The following TPO variants were observed in gnomAD, a reference collection of about 807,000 sequenced individuals.
The protein encoded by TPO is thyroid peroxidase, also known as thyroid microsomal antigen.
A neutral mutation model predicts 96.9 loss-of-function variants in TPO; 78 were observed. The ratio of observed to expected loss-of-function variants is 0.81; its 90% confidence interval spans 0.67 to 0.97. TPO has a LOEUF of 0.97. Among genes scored for constraint, TPO ranks in the 50% least tolerant of loss-of-function variants. The pLI, the probability that TPO is intolerant of heterozygous loss-of-function variation, is 0.00. For synonymous variants in TPO, 547 were observed against 538.0 expected, an observed-to-expected ratio of 1.02 and a Z score of -0.23; for missense variants, 1,252 against 1,274.8, an observed-to-expected ratio of 0.98 and a Z score of 0.27.
intron 11 of TPO, 39 bp downstream of exon 11, chr2:1,494,078 A>C: frequency 1.2e-6 from 2 of 1,601,130 alleles, no homozygotes; most frequent in Non-Finnish European, 1.7e-6. Context: ...CACGTTCTGC[A>C]CAGAGGCAGG....
rs28913008 is a variant in TPO, at chr2:1,516,413, G to C, written c.2519-470G>C. ...TCAACCACGGTTTCACCTCCAGGAG[G>C]CTTCTGGGAAAGATAAAATGCAGCC... On this transcript the variant is annotated intron_variant, in intron 14 of 16. Transcript: ENST00000329066. Among the ~76,000 whole-genome samples the C allele has an allele frequency of 8.1e-3, 1,233 of 152,284 alleles. 15 individuals are homozygous for C. Among genetic ancestry groups the C allele is most frequent in the African/African-American group, 0.028 (1,163 of 41,554 alleles).
intron 15 of TPO, among the ~76,000 whole-genome samples, chr2:1,526,157 C>T (rs1394524552): frequency 7.9e-5 from 9 of 114,210 alleles, no homozygotes; most frequent in African/African-American, 2.8e-4. Context: ...TGCAAACCTC[C>T]AAATCCCCCC....
intron 7 of TPO, among the ~76,000 whole-genome samples, chr2:1,468,062 T>G (rs1258931051): frequency 2.0e-5 from 3 of 151,892 alleles, no homozygotes; most frequent in African/African-American, 7.3e-5. Context: ...CCCCTTTACC[T>G]TAAGTTTATG....
At chr2:1,453,882 G>C in intron 6 of TPO, 59 bp downstream of exon 6, 1 of 1,611,744 alleles carries the variant, frequency 6.2e-7, no homozygotes, top group Admixed American at 1.7e-5. Context: ...TGCTGAGGGA[G>C]GGAAATAGCC....
At chr2:1,501,062 AG>A (rs1672827447) in intron 13 of TPO, among the ~76,000 whole-genome samples, 7 of 152,108 alleles carry the variant, frequency 4.6e-5, no homozygotes, top group South Asian at 2.1e-4. Flanking sequence ...AAAAGCTGTG[AG>A]TCAGTGGCTT....
intron 1 of TPO, among the ~76,000 whole-genome samples, chr2:1,402,824 A>T (rs1295745037): frequency 6.6e-6 from 1 of 152,134 alleles, no homozygotes; most frequent in Non-Finnish European, 1.5e-5. Flanking sequence ...GATGAGATTG[A>T]GGGGGGACAC....
intron 1 of TPO, among the ~76,000 whole-genome samples, chr2:1,389,502 C>T (rs140132085): frequency 2.6e-5 from 4 of 152,218 alleles, no homozygotes; most frequent in Admixed American, 2.6e-4. Context: ...AAAAATAACA[C>T]TACTTTCCTC....
At chr2:1,384,853 A>G (rs965389571) in intron 1 of TPO, among the ~76,000 whole-genome samples, 1 of 152,190 alleles carries the variant, frequency 6.6e-6, no homozygotes, top group Non-Finnish European at 1.5e-5. Context: ...TGGGTTTGTC[A>G]TAAATAGCTG....
At position 1,543,627 on chromosome 2, in the gene TPO, T is replaced by C. The variant is rs1680946661; in HGVS notation, c.*1153T>C. 6.6e-6 allele frequency: 1 copy of C among 152,204 alleles called. No homozygotes were observed. Among genetic ancestry groups the C allele is most frequent in the Non-Finnish European group, 1.5e-5 (1 of 68,018 alleles). 9.4% of individuals were successfully genotyped at this position (152,204 alleles called of 1,614,324 possible). A position where few individuals can be genotyped will look rare whatever the true frequency, so the allele number is the denominator to read the frequency against. On this transcript the variant is annotated 3_prime_UTR_variant, in exon 17 of 17. Transcript: ENST00000329066. ...TGTGTTCCCAAACTCTTAGTTTTGT[T>C]CATGTAAAACTCATGATTTCATAAT...
intron 15 of TPO, among the ~76,000 whole-genome samples, chr2:1,527,125 C>T (rs1676746793): frequency 7.3e-6 from 1 of 136,706 alleles, no homozygotes; most frequent in Non-Finnish European, 1.5e-5. Flanking sequence ...CAAATACCCC[C>T]ACTGTGTGCA....
At chr2:1,445,999 C>G (rs1020313040) in intron 5 of TPO, among the ~76,000 whole-genome samples, 1 of 152,168 alleles carries the variant, frequency 6.6e-6, no homozygotes, top group Non-Finnish European at 1.5e-5. Flanking sequence ...TAGAATCCAT[C>G]GCCATAGTGA....
chr2:1,463,462 T>C (rs1221407735), intron 7 of TPO, among the ~76,000 whole-genome samples: 1 of 152,214 alleles, frequency 6.6e-6, no homozygotes, highest in East Asian at 1.9e-4. Context: ...CTTAGTGAGC[T>C]TGGAGCAAGT....
At chr2:1,433,719 G>C in intron 4 of TPO, 112 bp downstream of exon 4, 1 of 1,247,772 alleles carries the variant, frequency 8.0e-7, no homozygotes, top group Non-Finnish European at 1.1e-6. Flanking sequence ...GACCAAGCAG[G>C]ATGGGACTCC....
chr2:1,520,517 T>C (rs1675140719), intron 15 of TPO, among the ~76,000 whole-genome samples: 1 of 152,160 alleles, frequency 6.6e-6, no homozygotes, highest in Admixed American at 6.6e-5. Context: ...CTCTCCTCGT[T>C]TTCTACCCAC....
At chr2:1,525,490 C>A (rs1372307048) in intron 15 of TPO, among the ~76,000 whole-genome samples, 1 of 115,910 alleles carries the variant, frequency 8.6e-6, no homozygotes, top group African/African-American at 3.4e-5. Flanking sequence ...GTGAGCAAAC[C>A]CCCAAAACCC....
chr2:1,532,916 C>T (rs1229850181), intron 15 of TPO, among the ~76,000 whole-genome samples: 7 of 112,648 alleles, frequency 6.2e-5, no homozygotes, highest in Admixed American at 1.9e-4. Context: ...CTATGTGCAA[C>T]CTCGCAAAAT....
rs75207571 is a variant in TPO at position 1,397,811 on chromosome 2, C to G, written n.180+23409C>G. Among the ~76,000 whole-genome samples the G allele has an allele frequency of 2.0e-3, 304 of 152,286 alleles. 2 individuals are homozygous for G. Among genetic ancestry groups the G allele is most frequent in the Non-Finnish European group, 2.8e-3 (188 of 68,030 alleles). On this transcript the variant is annotated intron_variant and non_coding_transcript_variant, in intron 1 of 5. Coordinates refer to the TPO transcript ENST00000497517. ...TCAGAGGTGTGTGTTTTCCGATCCT[C>G]TCTGCACAACCCCCGATGTTGTCTC...
chr2:1,435,924 G>A (rs1665522903), intron 4 of TPO, among the ~76,000 whole-genome samples: 1 of 152,152 alleles, frequency 6.6e-6, no homozygotes, highest in African/African-American at 2.4e-5. Context: ...CTGGAGATGT[G>A]CTTAGTGAGA....
chr2:1,441,072 G>T (rs998071730), intron 5 of TPO, among the ~76,000 whole-genome samples: 3 of 151,240 alleles, frequency 2.0e-5, no homozygotes, highest in African/African-American at 7.3e-5. Context: ...CTTCTTGTTT[G>T]TATGATCTAG....
Sources: gnomAD v4.1 joint callset for allele counts (sites outside exome capture counted in the v4.1 genomes callset) on GRCh38, gnomAD v4.1.1 for gene constraint, MANE v1.5 for transcripts, NCBI Gene and HGNC (gene_info 2026-07-23, HGNC 2026-07-21) for gene names.